SYNPO: variants seen among roughly 807,000 people sequenced by gnomAD.
SYNPO encodes the protein synaptopodin.
SYNPO carries 19 observed loss-of-function variants against 49.5 expected under a neutral mutation model. The observed-to-expected ratio is 0.38, with a 90% CI of 0.27 to 0.56. The LOEUF is 0.56. Among genes scored for constraint, SYNPO ranks in the 20% least tolerant of loss-of-function variants. SYNPO has a pLI of 0.68. For missense variants in SYNPO, 1,131 were observed against 1,248.3 expected (o/e 0.91, Z 1.42); for synonymous variants, 536 against 548.0 (o/e 0.98, Z 0.31).
chr5:150,624,901 G>T (rs1403003875), intron 2 of SYNPO: 2 of 985,504 alleles, frequency 2.0e-6, no homozygotes, highest in Non-Finnish European at 2.4e-6. Context: ...GTGCGCAGCG[G>T]CTGGAGGTGA....
intron 1 of SYNPO, among the ~76,000 whole-genome samples, chr5:150,613,027 C>T (rs150568660): frequency 1.8e-4 from 28 of 152,194 alleles, no homozygotes; most frequent in Non-Finnish European, 3.7e-4. Flanking sequence ...GATCATCTCA[C>T]CTTTGCCTCC....
Position 150,658,780 on chromosome 5 carries a change from G to A in SYNPO, c.*1693G>A, listed in dbSNP as rs1337108057. 1.3e-5 allele frequency: 2 copies of A among 152,374 alleles called. No individual in the cohort carries two copies. The highest frequency in any genetic ancestry group is 2.9e-5 in the Non-Finnish European group (2 of 68,098). The allele number at this position is 152,374 out of a possible 1,614,324, so 9.4% of individuals were successfully genotyped here. On this transcript the variant is annotated 3_prime_UTR_variant, in exon 3 of 3. Coordinates refer to ENST00000307662, the MANE Select transcript of SYNPO (RefSeq NM_007286.6). ...AGTATGGAAGATAGGGTTGGGACAG[G>A]GTGCTTTGGAATGAAAGAGTGACCT... is the stretch of plus-strand genomic sequence containing the variant.
intron 1 of SYNPO, among the ~76,000 whole-genome samples, chr5:150,604,555 G>A (rs1756638701): frequency 6.6e-6 from 1 of 152,302 alleles, no homozygotes; most frequent in African/African-American, 2.4e-5. Context: ...CGGTGGCAAT[G>A]TTAACTTTAG....
At chr5:150,629,383 C>T (rs887727955) in intron 2 of SYNPO, among the ~76,000 whole-genome samples, 18 of 152,162 alleles carry the variant, frequency 1.2e-4, no homozygotes, top group African/African-American at 4.1e-4. Flanking sequence ...GCTCGAACCT[C>T]CGCTCTTAGC....
rs115805939 is a variant in SYNPO, at chr5:150,604,746, G to A, written c.-266+3558G>A. 5.3e-3 allele frequency among the ~76,000 whole-genome samples: 807 copies of A among 152,328 alleles called. 5 individuals are homozygous for A. Among genetic ancestry groups the A allele is most frequent in the African/African-American group, 0.018 (763 of 41,562 alleles). On this transcript the variant is annotated intron_variant, in intron 1 of 2. Coordinates refer to the SYNPO transcript ENST00000394243. ...AAATTCACGAGGTGGCGGCACAGAA[G>A]CCCTGGCACACACTGCGGCTGGCAC... is the stretch of plus-strand genomic sequence containing the variant.
chr5:150,591,831 A>G, the SYNPO span, among the ~76,000 whole-genome samples: 1 of 152,214 alleles, frequency 6.6e-6, no homozygotes, highest in Non-Finnish European at 1.5e-5. Context: ...TATGTTAAAG[A>G]CAGGCTAGCA....
intron 2 of SYNPO, among the ~76,000 whole-genome samples, chr5:150,626,818 G>A (rs1757372371): frequency 6.6e-6 from 1 of 152,186 alleles, no homozygotes; most frequent in Non-Finnish European, 1.5e-5. Flanking sequence ...GGAGGCAACA[G>A]AGCTCCCTCT....
chr5:150,588,278 G>C, the SYNPO span, among the ~76,000 whole-genome samples: 1 of 152,142 alleles, frequency 6.6e-6, no homozygotes, highest in African/African-American at 2.4e-5. Flanking sequence ...TCCACTCTCT[G>C]GTGTGCCCCG....
chr5:150,607,033 G>T (rs960584795), intron 1 of SYNPO, among the ~76,000 whole-genome samples: 1 of 151,968 alleles, frequency 6.6e-6, no homozygotes, highest in Admixed American at 6.5e-5. Flanking sequence ...TCCTACATTG[G>T]GGGGAGGGGG....
rs1293804106 is a variant in SYNPO at position 150,631,429 on chromosome 5, A to T, written c.400+12662A>T. Reference sequence around the variant, plus strand: ...AAGAAAGAGCTCTAGGAAAAGGAGCAGCCAGTGCAGAGGCCCTGAGGGGAG... The same window carrying T: ...AAGAAAGAGCTCTAGGAAAAGGAGCTGCCAGTGCAGAGGCCCTGAGGGGAG... On this transcript the variant is annotated intron_variant, in intron 2 of 2. Transcript: ENST00000394243. Among the ~76,000 whole-genome samples the T allele has an allele frequency of 3.3e-5, 5 of 152,208 alleles. No individual in the cohort carries two copies. In the East Asian group the frequency reaches 9.6e-4, roughly 29 times the overall value.
intron 2 of SYNPO, among the ~76,000 whole-genome samples, chr5:150,655,441 T>G (rs563520013): frequency 2.6e-4 from 39 of 152,190 alleles, no homozygotes; most frequent in Admixed American, 1.3e-4. Context: ...ATCTAGTTCT[T>G]CCCATGTGGC....
chr5:150,624,324 G>A (rs1345009274), intron 2 of SYNPO, among the ~76,000 whole-genome samples: 1 of 152,188 alleles, frequency 6.6e-6, no homozygotes, highest in Non-Finnish European at 1.5e-5. Flanking sequence ...AGGTAGGGTG[G>A]GAGGTGGTAC....
intron 1 of SYNPO, 59 bp from the exon 2 acceptor site, chr5:150,647,885 G>A (rs991558282): frequency 1.1e-5 from 16 of 1,474,072 alleles, no homozygotes; most frequent in Middle Eastern, 1.7e-4. Context: ...CTGTTTGTCC[G>A]TGCACCCCTG....
intron 2 of SYNPO, among the ~76,000 whole-genome samples, chr5:150,635,453 T>G (rs1377770195): frequency 1.3e-5 from 2 of 152,216 alleles, no homozygotes; most frequent in African/African-American, 4.8e-5. Context: ...GAAGGGCCAT[T>G]AAAGAAAACA....
At chr5:150,650,676 G>A in intron 2 of SYNPO, 1 of 1,418,416 alleles carries the variant, frequency 7.1e-7, no homozygotes. Context: ...CGTCTTGCTG[G>A]GGGAGTGGCC....
Position 150,644,255 on chromosome 5 carries a change from C to T in SYNPO, c.-333+3401C>T, listed in dbSNP as rs529829503. Among the ~76,000 whole-genome samples the T allele has an allele frequency of 2.6e-5, 4 of 152,196 alleles. No homozygotes were observed. In the East Asian group the frequency reaches 7.7e-4, roughly 29 times the overall value. Reference sequence around the variant, plus strand: ...AATGTTAATTAGTGGAAGACACCTCCCGGGGGAGTGAGCTCGTCACCTGAG... The same window carrying T: ...AATGTTAATTAGTGGAAGACACCTCTCGGGGGAGTGAGCTCGTCACCTGAG... On this transcript the variant is annotated intron_variant, in intron 1 of 2. Transcript: ENST00000307662.
At chr5:150,606,544 G>C (rs4958694) in intron 1 of SYNPO, among the ~76,000 whole-genome samples, 54,145 of 152,144 alleles carry the variant, frequency 0.36, 10,028 homozygotes, top group Middle Eastern at 0.53. Flanking sequence ...GAACCATGCT[G>C]CCACACTGTC....
intron 1 of SYNPO, among the ~76,000 whole-genome samples, chr5:150,641,735 CT>C (rs1757917550): frequency 6.6e-6 from 1 of 152,192 alleles, no homozygotes; most frequent in Non-Finnish European, 1.5e-5. Context: ...CTTATCAGTC[CT>C]TTCTACCTTA....
At chr5:150,600,004 G>T (rs1020409007), upstream of SYNPO, among the ~76,000 whole-genome samples, 13 of 152,198 alleles carry the variant, frequency 8.5e-5, no homozygotes, top group Non-Finnish European at 2.9e-5. Context: ...GCTGGGAACA[G>T]CTTGCCGGCA....
Sources: allele counts gnomAD v4.1 joint callset (sites outside exome capture counted in the v4.1 genomes callset), GRCh38; gene constraint gnomAD v4.1.1; transcripts MANE v1.5; gene names NCBI Gene and HGNC (gene_info 2026-07-23, HGNC 2026-07-21).